Variants in MBD5 observed in about 807,000 individuals in gnomAD.
MBD5 encodes methyl-CpG binding domain protein 5.
MBD5 carries 13 observed loss-of-function variants against 117.3 expected under a neutral mutation model. That is an observed-to-expected ratio of 0.11 (90% CI 0.07 to 0.18). MBD5 has a LOEUF of 0.18. Among genes scored for constraint, MBD5 ranks in the 10% least tolerant of loss-of-function variants. The probability of loss-of-function intolerance (pLI) is 1.00; values close to 1 mark genes in which losing one functional copy is unlikely to be tolerated. For missense variants in MBD5, 1,879 were observed against 2,093.8 expected (o/e 0.90, Z 2.00); for synonymous variants, 727 against 766.4 (o/e 0.95, Z 0.85).
In MBD5 at chr2:148,483,374, T is replaced by C; in HGVS notation, c.2783T>C (p.Val928Ala). ...LLSSLPISLP[V>A]NQQHLLNQNL... is the part of the protein sequence containing the mutation. Reference sequence around the variant, plus strand: ...AGTTCTCTACCTATCTCTTTGCCAGTGAATCAACAGCATCTCCTAAACCAG... The same window carrying C: ...AGTTCTCTACCTATCTCTTTGCCAGCGAATCAACAGCATCTCCTAAACCAG... Residue 928 changes from valine (V) to alanine (A), a missense_variant, in exon 9 of 14, where the codon GTG (valine) becomes GCG (alanine). Physicochemically the swap from Val to Ala is moderately conservative, Grantham distance 64. Coordinates refer to ENST00000642680, the MANE Select transcript of MBD5 (RefSeq NM_001378120.1). 1 of 1,614,088 alleles carries C rather than the reference T, an allele frequency of 6.2e-7. No individual in the cohort carries two copies. The highest frequency in any genetic ancestry group is 8.5e-7 in the Non-Finnish European group (1 of 1,180,008).
Position 148,410,515 on chromosome 2 carries a change from G to A in MBD5, c.-556-47688G>A, listed in dbSNP as rs565753203. ...CGTGATGTCAGCTCGCCACAGCCTT[G>A]ACCACTCTGGCTCAAGCAATCCTCC... is the stretch of plus-strand genomic sequence containing the variant. On this transcript the variant is annotated intron_variant, in intron 4 of 13. Coordinates refer to ENST00000642680, the MANE Select transcript of MBD5 (RefSeq NM_001378120.1). 2.0e-5 allele frequency among the ~76,000 whole-genome samples: 3 copies of A among 152,190 alleles called. No homozygotes were observed. The South Asian group carries it at 6.2e-4, about 32-fold the overall frequency.
chr2:148,031,755 A>G (rs1694046608), intron 1 of MBD5, among the ~76,000 whole-genome samples: 1 of 152,170 alleles, frequency 6.6e-6, no homozygotes, highest in African/African-American at 2.4e-5. Context: ...TATGAGTTGG[A>G]AATGAAAACA....
chr2:148,462,513 T>C lies in MBD5; in HGVS notation c.114-69T>C, dbSNP rs574757859. ...CATAAAGGACAGTAAGACTATAAAT[T>C]ATGCCTTTTTTCATATAATATGTGT... On this transcript the variant is annotated intron_variant, in intron 5 of 13. Coordinates refer to ENST00000642680, the MANE Select transcript of MBD5 (RefSeq NM_001378120.1). The C allele has an allele frequency of 1.0e-5, 10 of 991,946 alleles. No individual in the cohort carries two copies. In the African/African-American group the frequency reaches 1.1e-4, roughly 11 times the overall value. 61.4% of individuals were successfully genotyped at this position (991,946 alleles called of 1,614,324 possible).
intron 3 of MBD5, among the ~76,000 whole-genome samples, chr2:148,255,307 G>C (rs1700559360): frequency 6.6e-6 from 1 of 152,200 alleles, no homozygotes; most frequent in Non-Finnish European, 1.5e-5. Context: ...CTGTATCTGT[G>C]CCAAAGTCAG....
intron 3 of MBD5, among the ~76,000 whole-genome samples, chr2:148,304,988 C>A (rs1009775206): frequency 1.4e-4 from 21 of 151,378 alleles, no homozygotes; most frequent in African/African-American, 5.1e-4. Flanking sequence ...TGGCGTGAAC[C>A]CGGGAGGCGG....
chr2:148,293,826 G>T lies in MBD5; in HGVS notation c.-679-48388G>T, dbSNP rs568655579. 6.6e-5 allele frequency among the ~76,000 whole-genome samples: 10 copies of T among 152,286 alleles called. No homozygotes were observed. The South Asian group carries it at 2.1e-3, about 32-fold the overall frequency. ...CTTGTTTGTTGAATATTTTTAAAAT[G>T]AAGAGGTGTTAGATTTTGTCACATG... On this transcript the variant is annotated intron_variant, in intron 3 of 13. Transcript: ENST00000642680.
chr2:148,154,466 C>G (rs529500392), intron 1 of MBD5, among the ~76,000 whole-genome samples: 2 of 152,076 alleles, frequency 1.3e-5, no homozygotes, highest in African/African-American at 4.8e-5. Context: ...CCACCCAGTT[C>G]GAGCATCCTG....
intron 2 of MBD5, among the ~76,000 whole-genome samples, chr2:148,186,174 A>G (rs532107865): frequency 4.2e-4 from 64 of 152,276 alleles, no homozygotes; most frequent in African/African-American, 1.4e-3. Flanking sequence ...GAGGGACCCA[A>G]TGAGAGGTAA....
chr2:148,178,154 G>A (rs1222300343), intron 1 of MBD5, among the ~76,000 whole-genome samples: 2 of 152,108 alleles, frequency 1.3e-5, no homozygotes, highest in Non-Finnish European at 2.9e-5. Flanking sequence ...TATTTAAAGG[G>A]CTTTTTTTTT....
At chr2:148,171,880 A>G (rs1181658753) in intron 1 of MBD5, among the ~76,000 whole-genome samples, 1 of 152,234 alleles carries the variant, frequency 6.6e-6, no homozygotes, top group Admixed American at 6.5e-5. Context: ...AACAAATTTA[A>G]GAATAAATTT....
At chr2:148,111,603 G>C (rs1462222670) in intron 1 of MBD5, among the ~76,000 whole-genome samples, 1 of 152,122 alleles carries the variant, frequency 6.6e-6, no homozygotes, top group African/African-American at 2.4e-5. Context: ...AATGTTAAAT[G>C]TCCTGAATTT....
intron 1 of MBD5, among the ~76,000 whole-genome samples, chr2:148,068,974 G>T (rs1180863971): frequency 6.6e-6 from 1 of 152,002 alleles, no homozygotes; most frequent in Non-Finnish European, 1.5e-5. Flanking sequence ...TTTAATAATT[G>T]AAAAACACTT....
chr2:148,094,228 A>C (rs1237405359), intron 1 of MBD5, among the ~76,000 whole-genome samples: 4 of 152,184 alleles, frequency 2.6e-5, no homozygotes, highest in Non-Finnish European at 4.4e-5. Flanking sequence ...CAACAGATTA[A>C]TTGTAGTGCT....
rs533329861 is a variant in MBD5 at position 148,404,605 on chromosome 2, G to A, written c.-556-53598G>A. ...CTCCAGCTAGGTTTAAGCTCTTTGC[G>A]TGCAGCCTGGAAACTCTCTCAAGAC... is the stretch of plus-strand genomic sequence containing the variant. On this transcript the variant is annotated intron_variant, in intron 4 of 13. Coordinates refer to ENST00000642680, the MANE Select transcript of MBD5 (RefSeq NM_001378120.1). Among the ~76,000 whole-genome samples the A allele has an allele frequency of 8.4e-4, 128 of 152,192 alleles. 1 individual carries two copies. The highest frequency in any genetic ancestry group is 6.2e-3 in the South Asian group (30 of 4,822).
At chr2:148,316,485 A>G (rs1702161324) in intron 3 of MBD5, among the ~76,000 whole-genome samples, 1 of 152,166 alleles carries the variant, frequency 6.6e-6, no homozygotes, top group Admixed American at 6.5e-5. Context: ...CTTGCTACCA[A>G]ATCAGTGGGC....
chr2:148,047,873 G>A lies in MBD5; in HGVS notation c.-925+26189G>A, dbSNP rs1007592550. On this transcript the variant is annotated intron_variant, in intron 1 of 13. Coordinates refer to ENST00000642680, the MANE Select transcript of MBD5 (RefSeq NM_001378120.1). ...AGACTAAGAGAACAGCATGTGCAAA[G>A]ACACGAGTTACAAAAGCAGCAAAAC... Among the ~76,000 whole-genome samples the A allele has an allele frequency of 5.3e-5, 8 of 152,162 alleles. 1 individual carries two copies. Among genetic ancestry groups the A allele is most frequent in the Admixed American group, 2.6e-4 (4 of 15,272 alleles).
chr2:148,064,128 C>T (rs1234434), intron 1 of MBD5, among the ~76,000 whole-genome samples: 27,065 of 77,490 alleles, frequency 0.35, 3,626 homozygotes, highest in Middle Eastern at 0.47. Flanking sequence ...TGTCTTTTTT[C>T]TTTTTTTTTT....
chr2:148,412,245 G>A (rs1705275289), intron 4 of MBD5, among the ~76,000 whole-genome samples: 1 of 148,588 alleles, frequency 6.7e-6, no homozygotes, highest in South Asian at 2.1e-4. Context: ...ATACTGTTTT[G>A]GTTACTGTAG....
At chr2:148,217,184 G>A (rs1259862756) in intron 2 of MBD5, among the ~76,000 whole-genome samples, 1 of 152,194 alleles carries the variant, frequency 6.6e-6, no homozygotes, top group Non-Finnish European at 1.5e-5. Flanking sequence ...GCTACGGTAT[G>A]TGGGAGCAGA....
Sources: allele counts gnomAD v4.1 joint callset (sites outside exome capture counted in the v4.1 genomes callset), GRCh38; gene constraint gnomAD v4.1.1; transcripts MANE v1.5; gene names NCBI Gene and HGNC (gene_info 2026-07-23, HGNC 2026-07-21).